The following SLC8A1 variants were observed in gnomAD, a reference collection of about 807,000 sequenced individuals.
SLC8A1 encodes solute carrier family 8 member A1.
In SLC8A1, 18 loss-of-function variants were observed where a neutral mutation model predicts 68.3. The observed-to-expected ratio is 0.26, with a 90% CI of 0.18 to 0.39. SLC8A1 has a LOEUF of 0.39. SLC8A1 is among the 10% of genes least tolerant of loss of function. The pLI is 1.00. For synonymous variants in SLC8A1, 475 were observed against 415.5 expected, an observed-to-expected ratio of 1.14 and a Z score of -1.74; for missense variants, 985 against 1,156.7, an observed-to-expected ratio of 0.85 and a Z score of 2.15.
chr2:40,184,898 CAAA>C (rs66662572), intron 2 of SLC8A1, among the ~76,000 whole-genome samples: 50,493 of 108,596 alleles, frequency 0.46, 8,841 homozygotes, highest in Non-Finnish European at 0.53. Flanking sequence ...TAACCAAAAA[CAAA>C]AAAAAAAAAA....
intron 2 of SLC8A1, among the ~76,000 whole-genome samples, chr2:40,340,425 G>A (rs551144880): frequency 4.6e-5 from 7 of 152,194 alleles, no homozygotes; most frequent in Non-Finnish European, 1.0e-4. Flanking sequence ...GCTGGGCATG[G>A]TGGCAGGCAC....
chr2:40,138,923 T>C (rs115130263), intron 7 of SLC8A1, among the ~76,000 whole-genome samples: 1,692 of 152,310 alleles, frequency 0.011, 34 homozygotes, highest in African/African-American at 0.038. Context: ...CTCTTTTGTC[T>C]CATTAATATT....
intron 2 of SLC8A1, among the ~76,000 whole-genome samples, chr2:40,396,748 T>TAAAAAA (rs368483768): frequency 0.012 from 1,011 of 86,830 alleles, 72 homozygotes; most frequent in African/African-American, 0.027. Context: ...CTCTAATAAC[T>TAAAAAA]AAAAAAAAAA....
intron 2 of SLC8A1, among the ~76,000 whole-genome samples, chr2:40,424,200 G>C (rs78276397): frequency 0.017 from 2,547 of 151,724 alleles, 64 homozygotes; most frequent in African/African-American, 0.058. Flanking sequence ...CATCATTTCT[G>C]ATTTCTCCAC....
At chr2:40,259,151 C>T (rs1307172846) in intron 2 of SLC8A1, among the ~76,000 whole-genome samples, 1 of 152,112 alleles carries the variant, frequency 6.6e-6, no homozygotes, top group African/African-American at 2.4e-5. Flanking sequence ...GAAATGGACC[C>T]TAGAGGTAAT....
At chr2:40,406,644 C>T (rs1313823673) in intron 2 of SLC8A1, among the ~76,000 whole-genome samples, 2 of 152,098 alleles carry the variant, frequency 1.3e-5, no homozygotes, top group African/African-American at 2.4e-5. Flanking sequence ...TGTGGCAGAG[C>T]TGTGGGAACC....
Position 40,210,586 on chromosome 2 carries a change from T to C in SLC8A1, c.1809-32731A>G, listed in dbSNP as rs62148796. ...AATTTTAAGGGGGGAGAAAGGCCCA[T>C]TAAGTCATCTTAAAAGGGCTCTTGC... On this transcript the variant is annotated intron_variant, in intron 2 of 7. Coordinates refer to ENST00000406785, the Ensembl canonical transcript of SLC8A1. Among the ~76,000 whole-genome samples, 918 of 152,288 alleles carry C rather than the reference T, an allele frequency of 6.0e-3. 1 individual carries two copies. Among genetic ancestry groups the C allele is most frequent in the Middle Eastern group, 0.017 (5 of 294 alleles).
At chr2:40,411,696 A>G (rs1692209978) in intron 2 of SLC8A1, among the ~76,000 whole-genome samples, 1 of 152,104 alleles carries the variant, frequency 6.6e-6, no homozygotes, top group Admixed American at 6.6e-5. Context: ...TAAGACTTTA[A>G]AGAATTTTAT....
intron 6 of SLC8A1, among the ~76,000 whole-genome samples, chr2:40,155,926 C>G (rs1427262846): frequency 6.6e-6 from 1 of 152,164 alleles, no homozygotes; most frequent in East Asian, 1.9e-4. Flanking sequence ...TTCCCTTGTA[C>G]TGTAGAAGAT....
chr2:40,430,128 T>C, exon 2 of SLC8A1: 4 of 1,613,770 alleles, frequency 2.5e-6, no homozygotes, highest in Non-Finnish European at 3.4e-6. Flanking sequence ...AGTAATATGA[T>C]CCAGTACATT....
At chr2:40,106,225 G>A (rs1233131896) in exon 8 of SLC8A1, 3 of 152,158 alleles carry the variant, frequency 2.0e-5, no homozygotes, top group Non-Finnish European at 4.4e-5. Context: ...TGTTTCTGAA[G>A]AATGTGTCTA....
intron 2 of SLC8A1, among the ~76,000 whole-genome samples, chr2:40,369,712 T>C (rs1225814118): frequency 2.6e-5 from 4 of 152,090 alleles, no homozygotes; most frequent in Admixed American, 6.6e-5. Context: ...AAACTGGATT[T>C]TCTTTAGCAG....
intron 2 of SLC8A1, among the ~76,000 whole-genome samples, chr2:40,203,070 C>A (rs1181271067): frequency 6.6e-6 from 1 of 151,942 alleles, no homozygotes; most frequent in Admixed American, 6.6e-5. Flanking sequence ...GTTTTTAAGC[C>A]AATTGCTCAC....
chr2:40,200,051 T>A (rs867119145), intron 2 of SLC8A1, among the ~76,000 whole-genome samples: 1 of 146,216 alleles, frequency 6.8e-6, no homozygotes, highest in African/African-American at 2.5e-5. Context: ...GTTAGATCTT[T>A]CCAGAGGACT....
chr2:40,451,041 A>G (rs1702381423), intron 1 of SLC8A1, among the ~76,000 whole-genome samples: 1 of 152,092 alleles, frequency 6.6e-6, no homozygotes, highest in Non-Finnish European at 1.5e-5. Flanking sequence ...CACGTACTGT[A>G]TTTTCAAGAG....
intron 6 of SLC8A1, among the ~76,000 whole-genome samples, chr2:40,155,223 G>A (rs760997524): frequency 9.9e-5 from 15 of 151,932 alleles, no homozygotes; most frequent in Non-Finnish European, 1.9e-4. Flanking sequence ...TCTGCCTCCC[G>A]GGTTCACGCC....
intron 7 of SLC8A1, among the ~76,000 whole-genome samples, chr2:40,120,292 C>T (rs1205579052): frequency 1.3e-5 from 2 of 152,170 alleles, no homozygotes; most frequent in Admixed American, 6.5e-5. Context: ...TGGAGTCCAT[C>T]CTGGCTATGA....
chr2:40,488,867 C>T (rs905607316), intron 1 of SLC8A1, among the ~76,000 whole-genome samples: 1 of 152,042 alleles, frequency 6.6e-6, no homozygotes, highest in Non-Finnish European at 1.5e-5. Flanking sequence ...ATGAAATGCT[C>T]TGTGACTGAT....
At chr2:40,456,575 G>C (rs1703036983), upstream of SLC8A1, among the ~76,000 whole-genome samples, 1 of 152,056 alleles carries the variant, frequency 6.6e-6, no homozygotes. Flanking sequence ...GTGACCTTGG[G>C]GAAGCTTTTT....
Sources: gnomAD v4.1 joint callset for allele counts (sites outside exome capture counted in the v4.1 genomes callset) on GRCh38, gnomAD v4.1.1 for gene constraint, MANE v1.5 for transcripts, NCBI Gene and HGNC (gene_info 2026-07-23, HGNC 2026-07-21) for gene names.